The following GLYR1 variants were observed in gnomAD, a reference collection of about 807,000 sequenced individuals.
The protein encoded by GLYR1 is glyoxylate reductase 1 homolog.
Under a neutral mutation model 72.7 loss-of-function variants are expected in GLYR1, and 21 were observed. That is an observed-to-expected ratio of 0.29 (90% CI 0.20 to 0.42). The LOEUF is 0.42. Ranked by LOEUF, GLYR1 falls within the 10% of genes least tolerant of loss-of-function variation. GLYR1 has a pLI of 1.00. For synonymous variants in GLYR1, 392 were observed against 270.2 expected, an observed-to-expected ratio of 1.45 and a Z score of -4.42; for missense variants, 594 against 712.1, an observed-to-expected ratio of 0.83 and a Z score of 1.89.
intron 3 of GLYR1, among the ~76,000 whole-genome samples, chr16:4,842,857 A>G (rs903578783): frequency 1.3e-5 from 2 of 152,002 alleles, no homozygotes; most frequent in Admixed American, 1.3e-4. Flanking sequence ...GCACCACCAC[A>G]CCCGACTAAT....
At chr16:4,814,789 G>T in intron 10 of GLYR1, 142 bp from the exon 11 acceptor site, 7 of 652,098 alleles carry the variant, frequency 1.1e-5, no homozygotes, top group Non-Finnish European at 1.4e-5. Context: ...ATGGAGATAG[G>T]AGCCCAACTT....
In GLYR1 at chr16:4,811,607, G is replaced by A. The variant is rs756248855; in HGVS notation, c.1462+16C>T. On this transcript the variant is annotated intron_variant, in intron 14 of 15. Coordinates refer to ENST00000321919, the MANE Select transcript of GLYR1 (RefSeq NM_032569.4). ...TCAAACACCAAATGCAAGAAGAGGG[G>A]CCAAAAACAACTCACTTTGGCACTT... The A allele has an allele frequency of 1.9e-5, 30 of 1,612,770 alleles. No homozygotes were observed. In the East Asian group the frequency reaches 2.0e-4, roughly 11 times the overall value.
At chr16:4,817,751 T>C (rs2083741665) in intron 9 of GLYR1, 54 bp from the exon 10 acceptor site, 1 of 1,092,070 alleles carries the variant, frequency 9.2e-7, no homozygotes, top group Non-Finnish European at 1.4e-6. Context: ...GTCACGGTGA[T>C]GATGATTCCA....
Position 4,832,046 on chromosome 16 carries a change from T to G in GLYR1, c.470A>C (p.Lys157Thr). The change falls in exon 5 of 16, where the codon AAA becomes ACA. Residue 157 changes from lysine (K) to threonine (T), a missense_variant. By Grantham distance (78) the Lys-to-Thr change is moderately conservative. This residue lies in a region of GLYR1 where 252 missense variants were observed against 211.3 expected (regional missense o/e 1.19). Transcript: ENST00000321919. ...VSSGSSERGSKSPLKRAQEQS... is the reference protein window; with the variant it reads ...VSSGSSERGSTSPLKRAQEQS... ...CTCTTGGGCTCTTTTCAGAGGGGATTTGGAGCCTCTCTCTGAAGAGCCTGA... is the reference window on the plus strand; with the variant it reads ...CTCTTGGGCTCTTTTCAGAGGGGATGTGGAGCCTCTCTCTGAAGAGCCTGA... 1 of 1,614,198 alleles carries G rather than the reference T, an allele frequency of 6.2e-7. No individual in the cohort carries two copies. Among genetic ancestry groups the G allele is most frequent in the South Asian group, 1.1e-5 (1 of 91,086 alleles).
Position 4,811,615 on chromosome 16 carries a change from C to T in GLYR1, c.1462+8G>A. The T allele has an allele frequency of 6.2e-6, 10 of 1,613,412 alleles. No homozygotes were observed. The highest frequency in any genetic ancestry group is 1.3e-5 in the African/African-American group (1 of 75,030). On this transcript the variant is annotated splice_region_variant and intron_variant, in intron 14 of 15. Transcript: ENST00000321919. ...CAAATGCAAGAAGAGGGGCCAAAAA[C>T]AACTCACTTTGGCACTTCTGGTCCA... is the stretch of plus-strand genomic sequence containing the variant.
At chr16:4,844,504 G>A (rs1020866404) in intron 3 of GLYR1, among the ~76,000 whole-genome samples, 6 of 152,252 alleles carry the variant, frequency 3.9e-5, no homozygotes, top group Non-Finnish European at 7.3e-5. Flanking sequence ...GGGCGCAGTG[G>A]CTCACGCCTA....
intron 3 of GLYR1, among the ~76,000 whole-genome samples, chr16:4,838,276 C>T (rs1214194723): frequency 6.6e-6 from 1 of 152,214 alleles, no homozygotes; most frequent in Non-Finnish European, 1.5e-5. Flanking sequence ...TCAGTACTGA[C>T]TCAGACACCT....
Position 4,811,265 on chromosome 16 carries a change from A to G in GLYR1, c.1492T>C (p.Phe498Leu). 6.2e-7 allele frequency: 1 copy of G among 1,614,182 alleles called. No individual in the cohort carries two copies. Among genetic ancestry groups the G allele is most frequent in the Non-Finnish European group, 8.5e-7 (1 of 1,180,032 alleles). Residue 498 changes from phenylalanine (F) to leucine (L), a missense_variant, in exon 15 of 16, where the codon TTC becomes CTC. Physicochemically the swap from Phe to Leu is conservative, Grantham distance 22. Around this residue, in one of 5 missense-constraint regions of GLYR1, gnomAD observed 266 missense variants for 358.4 expected, o/e 0.74. Coordinates refer to ENST00000321919, the MANE Select transcript of GLYR1 (RefSeq NM_032569.4). ...NILQGNFKPDFYLKYIQKDLR... is the reference protein window; with the variant it reads ...NILQGNFKPDLYLKYIQKDLR... ...TCCTTCTGAATGTATTTCAGGTAGA[A>G]ATCAGGCTTAAAGTTTCCTTGCAGG...
intron 15 of GLYR1, among the ~76,000 whole-genome samples, chr16:4,810,428 T>C (rs1200971576): frequency 1.3e-5 from 2 of 151,452 alleles, no homozygotes; most frequent in Non-Finnish European, 2.9e-5. Flanking sequence ...AAAAATCTAT[T>C]GAACCCAGGA....
rs976250840 is a variant in GLYR1, at chr16:4,819,332, C to T, written c.807-1635G>A. On this transcript the variant is annotated intron_variant, in intron 9 of 15. Coordinates refer to ENST00000321919, the MANE Select transcript of GLYR1 (RefSeq NM_032569.4). ...CCAGCCTTTTTTCTTTTTTTAGTGA[C>T]AGCATTATGCTGTCTCCCAGGCTGG... Among the ~76,000 whole-genome samples, 31 of 152,080 alleles carry T rather than the reference C, an allele frequency of 2.0e-4. 1 individual carries two copies. The highest frequency in any genetic ancestry group is 6.8e-3 in the Middle Eastern group (2 of 292).
chr16:4,834,444 G>A (rs1347099951), intron 3 of GLYR1, among the ~76,000 whole-genome samples: 5 of 151,818 alleles, frequency 3.3e-5, no homozygotes, highest in Admixed American at 2.0e-4. Flanking sequence ...GATTACAGGC[G>A]TGAGCCACCA....
intron 3 of GLYR1, among the ~76,000 whole-genome samples, chr16:4,843,125 G>T (rs2085685581): frequency 6.6e-6 from 1 of 152,118 alleles, no homozygotes; most frequent in African/African-American, 2.4e-5. Context: ...TCAGAAAGTG[G>T]ACACATAACA....
At chr16:4,846,496 C>T (rs757152960) in intron 1 of GLYR1, among the ~76,000 whole-genome samples, 4 of 152,236 alleles carry the variant, frequency 2.6e-5, no homozygotes, top group Non-Finnish European at 5.9e-5. Context: ...GGACAGCTTC[C>T]TCTGTAAACA....
intron 5 of GLYR1, among the ~76,000 whole-genome samples, chr16:4,827,856 C>T (rs936644169): frequency 6.6e-6 from 1 of 151,636 alleles, no homozygotes; most frequent in Non-Finnish European, 1.5e-5. Flanking sequence ...GCCGAGATTG[C>T]GCCACTGCAC....
rs373942934 is a variant in GLYR1, at chr16:4,812,080, T to C, written c.1282+6A>G. On this transcript the variant is annotated splice_donor_region_variant and intron_variant, in intron 13 of 15. Coordinates refer to ENST00000321919, the MANE Select transcript of GLYR1 (RefSeq NM_032569.4). ...GCTCCAGGCCTGACAGGTGCAGGCGTGTTACCTAGGAAGAAGGAGGTCTTC... is the reference window on the plus strand; with the variant it reads ...GCTCCAGGCCTGACAGGTGCAGGCGCGTTACCTAGGAAGAAGGAGGTCTTC... 6.2e-7 allele frequency: 1 copy of C among 1,612,442 alleles called. No individual in the cohort carries two copies. Among genetic ancestry groups the C allele is most frequent in the Non-Finnish European group, 8.5e-7 (1 of 1,179,208 alleles).
intron 5 of GLYR1, 143 bp downstream of exon 5, chr16:4,831,836 C>A (rs570152648): frequency 1.3e-4 from 166 of 1,238,012 alleles, no homozygotes; most frequent in Non-Finnish European, 1.7e-4. Flanking sequence ...ACCTGCCCTG[C>A]AGGATTCTTG....
intron 5 of GLYR1, among the ~76,000 whole-genome samples, chr16:4,825,007 G>A (rs961422255): frequency 2.0e-5 from 3 of 152,058 alleles, no homozygotes; most frequent in Non-Finnish European, 2.9e-5. Context: ...TACAGTTGGC[G>A]ATCTGCCCAA....
At chr16:4,814,208 G>A (rs938761902) in intron 11 of GLYR1, among the ~76,000 whole-genome samples, 1 of 152,148 alleles carries the variant, frequency 6.6e-6, no homozygotes, top group African/African-American at 2.4e-5. Context: ...TACAAATACA[G>A]TGACAGCTAA....
At chr16:4,831,878 G>A (rs2084823509) in intron 5 of GLYR1, 101 bp downstream of exon 5, 10 of 1,473,782 alleles carry the variant, frequency 6.8e-6, no homozygotes, top group Non-Finnish European at 8.2e-6. Context: ...TCCATGAGCA[G>A]AGTATAGATA....
Sources: allele counts gnomAD v4.1 joint callset (sites outside exome capture counted in the v4.1 genomes callset), GRCh38; gene constraint gnomAD v4.1.1; regional missense constraint gnomAD v4.1.1; transcripts MANE v1.5; gene names NCBI Gene and HGNC (gene_info 2026-07-23, HGNC 2026-07-21).